Variants in GPC4 observed in about 807,000 individuals in gnomAD.
GPC4 encodes glypican 4, also known as glypican-4.
A neutral mutation model predicts 35.0 loss-of-function variants in GPC4; 10 were observed. The ratio of observed to expected loss-of-function variants is 0.29; its 90% CI spans 0.18 to 0.48. The LOEUF (loss-of-function observed/expected upper bound fraction) is 0.48. Ranked by LOEUF, GPC4 falls within the 20% of genes least tolerant of loss-of-function variation. The pLI is 0.99. For missense variants in GPC4, 322 were observed against 451.3 expected, an observed-to-expected ratio of 0.71 and a Z score of 2.60; for synonymous variants, 167 against 170.2, an observed-to-expected ratio of 0.98 and a Z score of 0.15.
rs1056950282 is a variant in GPC4 at position 133,351,577 on chromosome X, T to C, written c.161-12236A>G. ...AGCCTTTATTATAGACTCTACCAGC[T>C]TGCCTTTATTAGTGAGGCACCCCAG... On this transcript the variant is annotated intron_variant, in intron 1 of 8. Transcript: ENST00000370828. Among the ~76,000 whole-genome samples the C allele has an allele frequency of 9.0e-5, 10 of 110,966 alleles. No homozygotes were observed. The East Asian group carries it at 2.9e-3, about 32-fold the overall frequency.
chrX:133,368,469 A>AAAGC (rs2068599277), intron 1 of GPC4, among the ~76,000 whole-genome samples: 1 of 111,272 alleles, frequency 9.0e-6, no homozygotes, highest in South Asian at 3.8e-4. Flanking sequence ...TCAATTCATA[A>AAAGC]AAGCACTGTT....
chrX:133,340,294 GACC>G (rs1216106594), intron 1 of GPC4, among the ~76,000 whole-genome samples: 1 of 110,392 alleles, frequency 9.1e-6, no homozygotes, highest in Non-Finnish European at 1.9e-5. Flanking sequence ...CTCTTATAAT[GACC>G]ACAAGATGCA....
rs752996437 is a variant in GPC4 at position 133,304,775 on chromosome X, A to G, written c.1242T>C (p.Ala414=). The part of the protein sequence containing the change: ...PSNVCNDERM[A]AGNGNEDDCW... ...AGTCATCCTCATTGCCGTTTCCTGC[A>G]GCCATCCTCTCATCGTTGCAAACGT... The change falls in exon 7 of 9, where the codon GCT becomes GCC. Residue 414 remains alanine (A), a synonymous_variant. Transcript: ENST00000370828. 5.8e-6 allele frequency: 7 copies of G among 1,211,856 alleles called. No individual in the cohort carries two copies. The highest frequency in any genetic ancestry group is 6.7e-6 in the Non-Finnish European group (6 of 895,384).
chrX:133,302,903 G>A lies in GPC4; in HGVS notation c.1635C>T (p.Cys545=). The change falls in exon 9 of 9, where the codon TGC becomes TGT. Residue 545 remains cysteine, a synonymous_variant. Transcript: ENST00000370828. ...CTCTCTGCATAACCAGGAACAAGAT[G>A]CAGAAGACAGTGAGGAGGTAGGCCT... ...GAQAYLLTVF[C]ILFLVMQREW... is the part of the protein sequence containing the mutation. 1 of 1,211,448 alleles carries A rather than the reference G, an allele frequency of 8.3e-7. No individual in the cohort carries two copies. The highest frequency in any genetic ancestry group is 2.2e-5 in the Admixed American group (1 of 46,021).
At chrX:133,385,697 C>T (rs1428670416) in intron 1 of GPC4, among the ~76,000 whole-genome samples, 2 of 111,393 alleles carry the variant, frequency 1.8e-5, no homozygotes, top group Non-Finnish European at 3.8e-5. Flanking sequence ...AGTTCCTGGC[C>T]CCAAGCTTAA....
intron 2 of GPC4, among the ~76,000 whole-genome samples, chrX:133,336,491 C>T (rs140201353): frequency 0.013 from 1,421 of 110,964 alleles, 32 homozygotes; most frequent in African/African-American, 0.044. Flanking sequence ...GCCGAGATTG[C>T]GCCACTGCAC....
At chrX:133,356,305 C>T (rs1007566747) in intron 1 of GPC4, among the ~76,000 whole-genome samples, 5 of 111,147 alleles carry the variant, frequency 4.5e-5, no homozygotes, top group Non-Finnish European at 9.4e-5. Flanking sequence ...AGTGCAGTGG[C>T]GCAATCTCAG....
chrX:133,321,520 ACTCT>A (rs2068364387), intron 3 of GPC4, among the ~76,000 whole-genome samples: 1 of 111,950 alleles, frequency 8.9e-6, no homozygotes, highest in Non-Finnish European at 1.9e-5. Context: ...AGGGCTCTTG[ACTCT>A]CTTTCTCTTT....
chrX:133,327,636 AGTGTGTGTGTGTGTGTGT>A lies in GPC4; in HGVS notation c.320-3118_320-3101del, dbSNP rs557359106. Reference sequence around the variant, plus strand: ...CCATGACTCACATTCTGTCCAGGAAAGTGTGTGTGTGTGTGTGTGTGTGTGTGTGTGTGTGTGTGTGTG... The same window carrying A: ...CCATGACTCACATTCTGTCCAGGAAAGTGTGTGTGTGTGTGTGTGTGTGTG... On this transcript the variant is annotated intron_variant, in intron 2 of 8. Transcript: ENST00000370828. 4.1e-3 allele frequency among the ~76,000 whole-genome samples: 345 copies of A among 83,275 alleles called. 4 individuals are homozygous for A. The highest frequency in any genetic ancestry group is 0.013 in the African/African-American group (291 of 22,660). 72.3% of individuals were successfully genotyped at this position (83,275 alleles called of 115,157 possible). A position where few individuals can be genotyped will look rare whatever the true frequency, so the allele number is the denominator to read the frequency against.
rs746706955 is a variant in GPC4 at position 133,305,766 on chromosome X, G to A, written c.1155+6C>T. 3 of 1,210,299 alleles carry A rather than the reference G, an allele frequency of 2.5e-6. No homozygotes were observed. The highest frequency in any genetic ancestry group is 3.4e-6 in the Non-Finnish European group (3 of 895,056). ...TAAACACGGCCCTTCCTGCCAAAAC[G>A]CTCACCAGTCGGTCCAAACTAGTGC... On this transcript the variant is annotated splice_donor_region_variant and intron_variant, in intron 6 of 8. Transcript: ENST00000370828.
intron 1 of GPC4, among the ~76,000 whole-genome samples, chrX:133,398,413 A>G (rs1335616311): frequency 8.9e-6 from 1 of 111,825 alleles, no homozygotes; most frequent in Non-Finnish European, 1.9e-5. Context: ...TAGTGTCTCT[A>G]TACATACCCC....
rs1033371072 is a variant in GPC4 at position 133,301,956 on chromosome X, C to A, written c.*911G>T. 9.0e-6 allele frequency: 1 copy of A among 110,695 alleles called. No individual in the cohort carries two copies. The highest frequency in any genetic ancestry group is 1.9e-5 in the Non-Finnish European group (1 of 52,898). The allele number at this position is 110,695 out of a possible 1,213,427, so 9.1% of individuals were successfully genotyped here. ...GGGTCAGTGTGAACATGAAAACTAG[C>A]ACAGGGTGGGCTAGCTAACCTGCCT... is the stretch of plus-strand genomic sequence containing the variant. On this transcript the variant is annotated 3_prime_UTR_variant, in exon 9 of 9. Transcript: ENST00000370828.
At chrX:133,409,280 G>A (rs1368741381) in intron 1 of GPC4, among the ~76,000 whole-genome samples, 5 of 88,096 alleles carry the variant, frequency 5.7e-5, no homozygotes, top group Non-Finnish European at 8.4e-5. Flanking sequence ...GCAAGATCAC[G>A]CCACTGCACT....
intron 1 of GPC4, among the ~76,000 whole-genome samples, chrX:133,370,052 C>T (rs1397649452): frequency 1.8e-5 from 2 of 111,991 alleles, no homozygotes; most frequent in Non-Finnish European, 3.8e-5. Flanking sequence ...TCTCTCAAGC[C>T]AGTACATATG....
intron 5 of GPC4, 48 bp from the exon 6 acceptor site, chrX:133,305,966 G>A (rs1351986305): frequency 4.1e-6 from 5 of 1,207,926 alleles, no homozygotes; most frequent in East Asian, 3.0e-5. Flanking sequence ...CTCCCAAGGC[G>A]GGAGGCGGAG....
At chrX:133,410,010 A>C (rs1387182220) in intron 1 of GPC4, among the ~76,000 whole-genome samples, 1 of 74,315 alleles carries the variant, frequency 1.3e-5, no homozygotes, top group Non-Finnish European at 2.2e-5. Flanking sequence ...TCCCTCAGAA[A>C]CCCTCATTGG....
chrX:133,320,274 T>C (rs1025860488), intron 3 of GPC4, among the ~76,000 whole-genome samples: 2 of 111,925 alleles, frequency 1.8e-5, no homozygotes, highest in Non-Finnish European at 3.8e-5. Context: ...GAGAATACAA[T>C]GACTATAGAA....
At chrX:133,352,840 C>T (rs1181252733) in intron 1 of GPC4, among the ~76,000 whole-genome samples, 7 of 111,252 alleles carry the variant, frequency 6.3e-5, no homozygotes, top group Non-Finnish European at 9.4e-5. Flanking sequence ...ATTGATTAGC[C>T]AATTCTTCAA....
intron 1 of GPC4, among the ~76,000 whole-genome samples, chrX:133,368,427 T>C (rs1028286421): frequency 9.0e-6 from 1 of 111,562 alleles, no homozygotes; most frequent in Non-Finnish European, 1.9e-5. Context: ...GAATTCATTC[T>C]AGCCTCCGTA....
Sources: gnomAD v4.1 joint callset for allele counts (sites outside exome capture counted in the v4.1 genomes callset) on GRCh38, gnomAD v4.1.1 for gene constraint, MANE v1.5 for transcripts, NCBI Gene and HGNC (gene_info 2026-07-23, HGNC 2026-07-21) for gene names.